Variants in LPP observed in about 807,000 individuals in gnomAD.
The protein encoded by LPP is lipoma-preferred partner.
LPP carries 38 observed loss-of-function variants against 60.4 expected under a neutral mutation model. The observed-to-expected ratio is 0.63, with a 90% CI of 0.49 to 0.83. The LOEUF is 0.83. LPP is among the 40% of genes least tolerant of loss of function. The probability of loss-of-function intolerance (pLI) is 0.00; values close to 1 mark genes in which losing one functional copy is unlikely to be tolerated. For missense variants in LPP, 902 were observed against 783.6 expected (o/e 1.15, Z -1.80); for synonymous variants, 328 against 290.8 (o/e 1.13, Z -1.30).
intron 7 of LPP, among the ~76,000 whole-genome samples, chr3:188,617,539 A>T (rs980336357): frequency 6.6e-6 from 1 of 152,180 alleles, no homozygotes; most frequent in Non-Finnish European, 1.5e-5. Flanking sequence ...TCTGTCTCAC[A>T]GCTGCTCCTG....
intron 1 of LPP, among the ~76,000 whole-genome samples, chr3:188,187,905 C>G (rs928494096): frequency 9.3e-5 from 14 of 151,136 alleles, no homozygotes; most frequent in Non-Finnish European, 1.8e-4. Flanking sequence ...TTTGCTCTTT[C>G]TTTTTTTTCT....
At chr3:188,458,057 A>T (rs1412854513) in intron 4 of LPP, among the ~76,000 whole-genome samples, 1 of 152,178 alleles carries the variant, frequency 6.6e-6, no homozygotes, top group Non-Finnish European at 1.5e-5. Context: ...CCTTAGGCAA[A>T]CTCAAATATT....
rs1257294872 is a variant in LPP, at chr3:188,500,735, A to G, written c.306+16031A>G. ...TACTGATTCAATCTTCTTAGTATTC[A>G]TAGCATATTCAGATTTTTTATTTGT... On this transcript the variant is annotated intron_variant, in intron 5 of 11. Transcript: ENST00000617246. Among the ~76,000 whole-genome samples the G allele has an allele frequency of 2.6e-5, 4 of 152,290 alleles. No homozygotes were observed. The East Asian group carries it at 7.7e-4, about 29-fold the overall frequency.
chr3:188,727,492 T>A (rs1008121099), intron 8 of LPP, among the ~76,000 whole-genome samples: 1 of 152,198 alleles, frequency 6.6e-6, no homozygotes, highest in Non-Finnish European at 1.5e-5. Flanking sequence ...ACTGAATAAT[T>A]ATAAAATATA....
At chr3:188,374,968 G>A (rs1368851851) in intron 3 of LPP, among the ~76,000 whole-genome samples, 1 of 152,100 alleles carries the variant, frequency 6.6e-6, no homozygotes. Flanking sequence ...AGATAATCAT[G>A]TGGTTTTTGT....
intron 1 of LPP, among the ~76,000 whole-genome samples, chr3:188,212,159 G>A (rs1340709526): frequency 6.6e-6 from 1 of 152,096 alleles, no homozygotes; most frequent in African/African-American, 2.4e-5. Flanking sequence ...GTGCCCGGCC[G>A]AGAGGAGTTG....
At chr3:188,838,655 G>A (rs1193535083) in intron 9 of LPP, among the ~76,000 whole-genome samples, 6 of 152,070 alleles carry the variant, frequency 3.9e-5, no homozygotes, top group South Asian at 2.1e-4. Context: ...GCACATACAC[G>A]CCATGGAATA....
intron 3 of LPP, among the ~76,000 whole-genome samples, chr3:188,344,273 C>T (rs1362432889): frequency 6.6e-6 from 1 of 152,178 alleles, no homozygotes; most frequent in Non-Finnish European, 1.5e-5. Flanking sequence ...CAGTCCTAGT[C>T]TGCTTTAAAT....
At chr3:188,808,397 G>A (rs971128460) in intron 9 of LPP, among the ~76,000 whole-genome samples, 1 of 152,096 alleles carries the variant, frequency 6.6e-6, no homozygotes, top group African/African-American at 2.4e-5. Flanking sequence ...GTGGCTGTGA[G>A]TCTCCGAAGC....
At chr3:188,422,441 A>G (rs556304834) in intron 4 of LPP, among the ~76,000 whole-genome samples, 1 of 152,274 alleles carries the variant, frequency 6.6e-6, no homozygotes, top group African/African-American at 2.4e-5. Flanking sequence ...ACTGTGTTCA[A>G]TACCCAAAGA....
rs1770317253 is a variant in LPP, at chr3:188,883,688, G to C, written c.*9209G>C. ...GCAGAGGTTGCAGTGAGCAGAGATT[G>C]CGCCACTGCACTCCAGCCTGGGCGA... is the stretch of plus-strand genomic sequence containing the variant. On this transcript the variant is annotated 3_prime_UTR_variant, in exon 12 of 12. Coordinates refer to ENST00000617246, the MANE Select transcript of LPP (RefSeq NM_001375462.1). 1 of 152,512 alleles carries C rather than the reference G, an allele frequency of 6.6e-6. No individual in the cohort carries two copies. The highest frequency in any genetic ancestry group is 2.8e-5 in the African/African-American group (1 of 36,062). The allele number at this position is 152,512 out of a possible 1,614,324, so 9.4% of individuals were successfully genotyped here.
At chr3:188,485,796 CAAAAAAA>C (rs766522013) in intron 5 of LPP, among the ~76,000 whole-genome samples, 2 of 40,156 alleles carry the variant, frequency 5.0e-5, no homozygotes, top group Non-Finnish European at 8.5e-5. Context: ...GACTCCGTCT[CAAAAAAA>C]AAAAAAAAAA....
chr3:188,552,066 C>A (rs755306955), intron 6 of LPP, among the ~76,000 whole-genome samples: 1 of 152,088 alleles, frequency 6.6e-6, no homozygotes, highest in Non-Finnish European at 1.5e-5. Flanking sequence ...ACCTTCCCAT[C>A]CTTAGGTTTT....
chr3:188,204,211 C>T (rs1732504325), intron 1 of LPP, among the ~76,000 whole-genome samples: 1 of 152,136 alleles, frequency 6.6e-6, no homozygotes, highest in Non-Finnish European at 1.5e-5. Flanking sequence ...TGAGGGTGCA[C>T]TCCTGCCTGG....
chr3:188,213,510 G>T (rs914470649), intron 1 of LPP, among the ~76,000 whole-genome samples: 1 of 152,118 alleles, frequency 6.6e-6, no homozygotes, highest in African/African-American at 2.4e-5. Flanking sequence ...ATTGGGAGAT[G>T]TTAGAACTGT....
intron 8 of LPP, among the ~76,000 whole-genome samples, chr3:188,742,610 A>G (rs184198965): frequency 2.8e-4 from 42 of 152,206 alleles, no homozygotes; most frequent in African/African-American, 9.6e-4. Flanking sequence ...AGACAAAACT[A>G]ATCTATACTG....
intron 4 of LPP, among the ~76,000 whole-genome samples, chr3:188,477,407 G>A (rs1579202541): frequency 2.0e-5 from 3 of 152,302 alleles, no homozygotes; most frequent in South Asian, 4.1e-4. Context: ...CAGGAAAAGA[G>A]CTTGAAAAGG....
At chr3:188,499,714 GTTATA>G (rs1811277180) in intron 5 of LPP, among the ~76,000 whole-genome samples, 1 of 152,056 alleles carries the variant, frequency 6.6e-6, no homozygotes, top group Non-Finnish European at 1.5e-5. Flanking sequence ...TGACATCTTA[GTTATA>G]TTAAGTCTTG....
chr3:188,205,691 G>T (rs1271157847), intron 1 of LPP, among the ~76,000 whole-genome samples: 4 of 152,178 alleles, frequency 2.6e-5, no homozygotes, highest in Non-Finnish European at 5.9e-5. Context: ...AGAGCTGCTT[G>T]TTAAGGAGGT....
Sources: allele counts gnomAD v4.1 joint callset (sites outside exome capture counted in the v4.1 genomes callset), GRCh38; gene constraint gnomAD v4.1.1; transcripts MANE v1.5; gene names NCBI Gene and HGNC (gene_info 2026-07-23, HGNC 2026-07-21).